Variants in LONRF1 observed in about 807,000 individuals in gnomAD.
LONRF1 encodes LON peptidase N-terminal domain and RING finger protein 1.
LONRF1 carries 37 observed loss-of-function variants against 85.8 expected under a neutral mutation model. The ratio of observed to expected loss-of-function variants is 0.43; its 90% CI spans 0.33 to 0.57. LONRF1 has a LOEUF of 0.57. Among genes scored for constraint, LONRF1 ranks in the 20% least tolerant of loss-of-function variants. LONRF1 has a pLI of 0.04. For synonymous variants in LONRF1, 517 were observed against 390.1 expected, an observed-to-expected ratio of 1.33 and a Z score of -3.83; for missense variants, 1,036 against 978.0, an observed-to-expected ratio of 1.06 and a Z score of -0.79.
intron 7 of LONRF1, 124 bp from the exon 8 acceptor site, chr8:12,731,981 G>A: frequency 1.1e-6 from 1 of 894,166 alleles, no homozygotes; most frequent in East Asian, 2.6e-5. Flanking sequence ...GGATTAATTA[G>A]TGAGGGGAAC....
intron 1 of LONRF1, among the ~76,000 whole-genome samples, chr8:12,747,506 T>A (rs890079161): frequency 1.2e-4 from 19 of 152,152 alleles, no homozygotes; most frequent in South Asian, 2.1e-4. Flanking sequence ...AAAGAAAAAA[T>A]TAGCACAAAT....
intron 1 of LONRF1, among the ~76,000 whole-genome samples, chr8:12,751,688 CTTTTT>C (rs74275298): frequency 7.1e-6 from 1 of 140,966 alleles, no homozygotes; most frequent in African/African-American, 2.6e-5. Context: ...ACCTTACAAC[CTTTTT>C]TTTTTTTTTT....
At chr8:12,744,253 A>G (rs1018675713) in intron 1 of LONRF1, among the ~76,000 whole-genome samples, 11 of 152,274 alleles carry the variant, frequency 7.2e-5, no homozygotes, top group African/African-American at 2.4e-4. Context: ...TTGCTTTTCT[A>G]TTCAAAACTC....
chr8:12,736,862 T>C (rs371853312), intron 5 of LONRF1, 38 bp downstream of exon 5: 4 of 1,573,394 alleles, frequency 2.5e-6, no homozygotes, highest in Non-Finnish European at 3.4e-6. Context: ...TCTGACTAAA[T>C]AAATTTATTT....
chr8:12,749,046 T>G (rs1055458287), intron 1 of LONRF1, among the ~76,000 whole-genome samples: 1 of 152,184 alleles, frequency 6.6e-6, no homozygotes, highest in Admixed American at 6.5e-5. Context: ...CTAAAACACC[T>G]ACATTTTATA....
chr8:12,755,189 CG>C lies in LONRF1; in HGVS notation c.231del (p.Ala79ProfsTer52). Reference protein sequence around the residue: ...ALEAFAAALRRGAPARPECLG... With the variant: ...ALEAFAAALRXGAPARPECLG... Reference sequence around the variant, plus strand: ...AGGCACTCGGGCCTGGCCGGGGCCCCGCGGCGCAGCGCCGCCGCGAACGCCT... The same window carrying C: ...AGGCACTCGGGCCTGGCCGGGGCCCCCGGCGCAGCGCCGCCGCGAACGCCT... On this transcript the variant is annotated frameshift_variant, in exon 1 of 12. Coordinates refer to ENST00000398246, the MANE Select transcript of LONRF1 (RefSeq NM_152271.5). LOFTEE classifies it high-confidence loss of function. 1 of 1,298,746 alleles carries C rather than the reference CG, an allele frequency of 7.7e-7. No homozygotes were observed. Among genetic ancestry groups the C allele is most frequent in the Non-Finnish European group, 9.7e-7 (1 of 1,030,954 alleles). The allele number at this position is 1,298,746 out of a possible 1,614,324, so 80.5% of individuals were successfully genotyped here.
At chr8:12,746,563 T>G (rs1799162619) in intron 1 of LONRF1, among the ~76,000 whole-genome samples, 1 of 152,214 alleles carries the variant, frequency 6.6e-6, no homozygotes, top group African/African-American at 2.4e-5. Flanking sequence ...TTCCACCCAC[T>G]CACTGTGACT....
chr8:12,742,072 G>A (rs1585246023), intron 2 of LONRF1, among the ~76,000 whole-genome samples: 1 of 152,156 alleles, frequency 6.6e-6, no homozygotes, highest in Non-Finnish European at 1.5e-5. Context: ...AATGGCTGAA[G>A]AAAACCTTTC....
At chr8:12,747,925 A>C (rs750125310) in intron 1 of LONRF1, among the ~76,000 whole-genome samples, 1 of 152,114 alleles carries the variant, frequency 6.6e-6, no homozygotes, top group Non-Finnish European at 1.5e-5. Context: ...TTTGTTCTTT[A>C]TGTGTAAAGT....
Position 12,738,162 on chromosome 8 carries a change from A to G in LONRF1, c.964-18T>C, listed in dbSNP as rs767311736. The G allele has an allele frequency of 8.6e-6, 12 of 1,401,796 alleles. No individual in the cohort carries two copies. The African/African-American group carries it at 1.2e-4, about 14-fold the overall frequency. The allele number at this position is 1,401,796 out of a possible 1,614,324, so 86.8% of individuals were successfully genotyped here. On this transcript the variant is annotated intron_variant, in intron 3 of 11. Transcript: ENST00000398246. ...CATAAAATCTGTAAGAGAAATATTA[A>G]AAGTAGTAGAAAATATAAAATATTT...
At chr8:12,750,073 T>C (rs1799317614) in intron 1 of LONRF1, among the ~76,000 whole-genome samples, 1 of 152,258 alleles carries the variant, frequency 6.6e-6, no homozygotes, top group Non-Finnish European at 1.5e-5. Flanking sequence ...ATTTGGGTTC[T>C]GCTTTCAGTT....
In LONRF1 at chr8:12,736,804, A is replaced by C; in HGVS notation, c.1355-7T>G. ...CAGACTTCATTGGGAGTTTCTATTA[A>C]AACAAAGACATGGGGTTTTCTTCCT... On this transcript the variant is annotated splice_polypyrimidine_tract_variant and splice_region_variant and intron_variant, in intron 5 of 11. Transcript: ENST00000398246. 6.3e-7 allele frequency: 1 copy of C among 1,598,010 alleles called. No individual in the cohort carries two copies. The highest frequency in any genetic ancestry group is 8.5e-7 in the Non-Finnish European group (1 of 1,172,866).
intron 10 of LONRF1, chr8:12,727,437 G>T (rs1240803618): frequency 3.4e-5 from 5 of 148,468 alleles, no homozygotes; most frequent in Non-Finnish European, 7.4e-5. Context: ...ATTTGAGAAG[G>T]TTTTCCAGAA....
chr8:12,739,992 C>T (rs1358110945), intron 3 of LONRF1, among the ~76,000 whole-genome samples: 1 of 152,138 alleles, frequency 6.6e-6, no homozygotes, highest in Non-Finnish European at 1.5e-5. Context: ...GGTACAAAAA[C>T]ATCTCCTGGG....
chr8:12,747,301 C>T (rs749217632), intron 1 of LONRF1, among the ~76,000 whole-genome samples: 14 of 152,110 alleles, frequency 9.2e-5, no homozygotes, highest in Non-Finnish European at 1.9e-4. Flanking sequence ...GGTTTTCTAT[C>T]TTTGTTCCAA....
At chr8:12,751,888 C>G (rs1394840238) in intron 1 of LONRF1, among the ~76,000 whole-genome samples, 4 of 151,946 alleles carry the variant, frequency 2.6e-5, no homozygotes, top group Non-Finnish European at 5.9e-5. Context: ...ACATAATATC[C>G]CTGAATACTA....
In LONRF1 at chr8:12,754,912, GTGGCAC is replaced by G. The variant is rs1563165302; in HGVS notation, c.503_508del (p.Ser168_Ala169del). ...CCGCGGGGCGGTCCCTTCAGCATCAGTGGCACTGGCGGTGGCGGGCGGCAGCCGGTC... is the reference window on the plus strand; with the variant it reads ...CCGCGGGGCGGTCCCTTCAGCATCAGTGGCGGTGGCGGGCGGCAGCCGGTC... On this transcript the variant is annotated inframe_deletion, in exon 1 of 12. Coordinates refer to ENST00000398246, the MANE Select transcript of LONRF1 (RefSeq NM_152271.5). The G allele has an allele frequency of 3.3e-6, 5 of 1,493,456 alleles. No homozygotes were observed. The highest frequency in any genetic ancestry group is 4.4e-6 in the Non-Finnish European group (5 of 1,125,600). 92.5% of individuals were successfully genotyped at this position (1,493,456 alleles called of 1,614,324 possible).
At chr8:12,724,383 G>T (rs1806070245) in intron 11 of LONRF1, among the ~76,000 whole-genome samples, 1 of 152,154 alleles carries the variant, frequency 6.6e-6, no homozygotes, top group Non-Finnish European at 1.5e-5. Context: ...AAGAATTATA[G>T]CCACTTCCCC....
At chr8:12,741,026 T>C (rs749306508) in intron 2 of LONRF1, 30 bp from the exon 3 acceptor site, 2 of 1,606,002 alleles carry the variant, frequency 1.2e-6, no homozygotes, top group East Asian at 2.2e-5. Flanking sequence ...ATAAAACCTT[T>C]GTGTTAAGAA....
Sources: gnomAD v4.1 joint callset for allele counts (sites outside exome capture counted in the v4.1 genomes callset) on GRCh38, gnomAD v4.1.1 for gene constraint, MANE v1.5 for transcripts, NCBI Gene and HGNC (gene_info 2026-07-23, HGNC 2026-07-21) for gene names.